Variants in CA10 observed in about 807,000 individuals in gnomAD.
CA10 encodes the protein carbonic anhydrase-related protein 10.
Under a neutral mutation model 44.2 loss-of-function variants are expected in CA10, and 14 were observed. The ratio of observed to expected loss-of-function variants is 0.32; its 90% CI spans 0.21 to 0.50. CA10 has a LOEUF of 0.50. Among genes scored for constraint, CA10 ranks in the 20% least tolerant of loss-of-function variants. The pLI is 0.99. For missense variants in CA10, 350 were observed against 409.7 expected (o/e 0.85, Z 1.26); for synonymous variants, 159 against 141.6 (o/e 1.12, Z -0.87).
At chr17:51,823,107 T>C (rs2143767832) in intron 3 of CA10, among the ~76,000 whole-genome samples, 2 of 152,380 alleles carry the variant, frequency 1.3e-5, no homozygotes, top group African/African-American at 4.8e-5. Flanking sequence ...TTTTCCTTTT[T>C]GTGTTTTCTC....
chr17:51,910,319 C>T (rs534046358), intron 3 of CA10, among the ~76,000 whole-genome samples: 1 of 106,384 alleles, frequency 9.4e-6, no homozygotes, highest in African/African-American at 3.6e-5. Flanking sequence ...CCAATGGTAA[C>T]TGATAACAAC....
rs1333084284 is a variant in CA10 at position 51,630,806 on chromosome 17, CA to C, written c.*777del. ...TTAAACACATTTATTGAGCTGGTAA[CA>C]ATAACCAAACACAATGTATGACCTT... is the stretch of plus-strand genomic sequence containing the variant. On this transcript the variant is annotated 3_prime_UTR_variant, in exon 9 of 9. Coordinates refer to ENST00000451037, the MANE Select transcript of CA10 (RefSeq NM_020178.5). The C allele has an allele frequency of 1.1e-4, 17 of 152,726 alleles. No individual in the cohort carries two copies. Among genetic ancestry groups the C allele is most frequent in the African/African-American group, 4.1e-4 (17 of 41,562 alleles). 9.5% of individuals were successfully genotyped at this position (152,726 alleles called of 1,614,324 possible). A position where few individuals can be genotyped will look rare whatever the true frequency, so the allele number is the denominator to read the frequency against.
intron 1 of CA10, among the ~76,000 whole-genome samples, chr17:52,107,862 A>T (rs1003019241): frequency 1.3e-5 from 2 of 152,112 alleles, no homozygotes; most frequent in African/African-American, 4.8e-5. Context: ...TGCAACAAAC[A>T]TTAAGAGCAT....
At chr17:51,899,016 G>A (rs777762316) in intron 3 of CA10, among the ~76,000 whole-genome samples, 3 of 151,404 alleles carry the variant, frequency 2.0e-5, no homozygotes, top group Non-Finnish European at 4.4e-5. Context: ...TTTATCTTTT[G>A]TATGGTTTTC....
intron 3 of CA10, among the ~76,000 whole-genome samples, chr17:51,849,514 A>C (rs929177049): frequency 6.6e-6 from 1 of 151,878 alleles, no homozygotes; most frequent in Non-Finnish European, 1.5e-5. Context: ...GTAGATCTGA[A>C]CTTGAAACCT....
chr17:52,098,874 T>A (rs930213420), intron 1 of CA10, among the ~76,000 whole-genome samples: 3 of 152,222 alleles, frequency 2.0e-5, no homozygotes, highest in Non-Finnish European at 4.4e-5. Flanking sequence ...GTTTCATTCA[T>A]TCCTTCAACA....
intron 2 of CA10, among the ~76,000 whole-genome samples, chr17:51,967,502 G>A (rs1438939425): frequency 6.6e-6 from 1 of 151,786 alleles, no homozygotes; most frequent in African/African-American, 2.4e-5. Context: ...GGAATACTAT[G>A]CAGCTATAAA....
At chr17:51,983,568 G>A (rs908987991) in intron 2 of CA10, among the ~76,000 whole-genome samples, 4 of 151,120 alleles carry the variant, frequency 2.6e-5, no homozygotes, top group East Asian at 2.0e-4. Flanking sequence ...AATAAAAAAG[G>A]TGTTTTTTTT....
At chr17:52,041,514 A>C (rs952100127) in intron 2 of CA10, among the ~76,000 whole-genome samples, 1 of 152,134 alleles carries the variant, frequency 6.6e-6, no homozygotes, top group Admixed American at 6.5e-5. Flanking sequence ...ACAGGTGTAC[A>C]TTGTGAAATG....
intron 3 of CA10, among the ~76,000 whole-genome samples, chr17:51,870,642 A>T (rs565526283): frequency 6.6e-6 from 1 of 152,250 alleles, no homozygotes; most frequent in Admixed American, 6.5e-5. Flanking sequence ...GCACTTATTG[A>T]CATGCTAGAG....
At chr17:51,669,822 G>C (rs1431562566) in intron 4 of CA10, among the ~76,000 whole-genome samples, 3 of 152,216 alleles carry the variant, frequency 2.0e-5, no homozygotes, top group African/African-American at 7.2e-5. Flanking sequence ...CTTGAAGTCA[G>C]CAAGACCAAG....
intron 2 of CA10, among the ~76,000 whole-genome samples, chr17:52,006,553 A>C (rs951142566): frequency 6.6e-6 from 1 of 151,740 alleles, no homozygotes; most frequent in African/African-American, 2.4e-5. Context: ...TCAAGGTCCC[A>C]AAGCTGTTTT....
chr17:51,993,143 T>C (rs1397498538), intron 2 of CA10, among the ~76,000 whole-genome samples: 2 of 152,140 alleles, frequency 1.3e-5, no homozygotes, highest in Non-Finnish European at 2.9e-5. Flanking sequence ...AGGATTTGAT[T>C]GGCAGGACTT....
chr17:51,938,652 CCTT>C (rs1317662549), intron 2 of CA10, among the ~76,000 whole-genome samples: 1 of 152,042 alleles, frequency 6.6e-6, no homozygotes, highest in East Asian at 1.9e-4. Context: ...GCAGCTTCGT[CCTT>C]CTTCCTGTTT....
At chr17:51,751,946 CTT>C (rs1904906672) in intron 3 of CA10, among the ~76,000 whole-genome samples, 1 of 152,134 alleles carries the variant, frequency 6.6e-6, no homozygotes, top group African/African-American at 2.4e-5. Flanking sequence ...GACAGTATGA[CTT>C]TGAACAAAGC....
intron 4 of CA10, among the ~76,000 whole-genome samples, chr17:51,702,584 A>C (rs1325031059): frequency 2.6e-5 from 4 of 151,954 alleles, no homozygotes; most frequent in Non-Finnish European, 4.4e-5. Context: ...TGGACCCCAG[A>C]CTCCCTCTCC....
intron 2 of CA10, among the ~76,000 whole-genome samples, chr17:51,992,966 C>T (rs1358476977): frequency 6.6e-6 from 1 of 152,088 alleles, no homozygotes; most frequent in Non-Finnish European, 1.5e-5. Context: ...TTACTTGATG[C>T]TAAATACTGA....
chr17:51,682,360 ACTGTGAGGAGG>A (rs1179187779), intron 4 of CA10, among the ~76,000 whole-genome samples: 2 of 152,226 alleles, frequency 1.3e-5, no homozygotes. Flanking sequence ...TCCCCTGGCC[ACTGTGAGGAGG>A]CTGAATTTAT....
chr17:51,869,168 C>T (rs1461855367), intron 3 of CA10, among the ~76,000 whole-genome samples: 2 of 151,944 alleles, frequency 1.3e-5, no homozygotes, highest in African/African-American at 4.8e-5. Context: ...GGTACACATA[C>T]AAGAAGAAAA....
Sources: gnomAD v4.1 joint callset for allele counts (sites outside exome capture counted in the v4.1 genomes callset) on GRCh38, gnomAD v4.1.1 for gene constraint, MANE v1.5 for transcripts, NCBI Gene and HGNC (gene_info 2026-07-23, HGNC 2026-07-21) for gene names.